Variants in STARD3NL observed in about 807,000 individuals in gnomAD.
STARD3NL encodes STARD3 N-terminal like.
In STARD3NL, 17 loss-of-function variants were observed where a neutral mutation model predicts 30.9. The observed-to-expected ratio is 0.55, with a 90% CI of 0.38 to 0.82. The LOEUF (loss-of-function observed/expected upper bound fraction) is 0.82, where lower values mean the gene tolerates loss of function less well. Ranked by LOEUF, STARD3NL falls within the 40% of genes least tolerant of loss-of-function variation. The pLI, the probability that STARD3NL is intolerant of heterozygous loss-of-function variation, is 0.00. For missense variants in STARD3NL, 234 were observed against 277.6 expected, an observed-to-expected ratio of 0.84 and a Z score of 1.12; for synonymous variants, 112 against 100.5, an observed-to-expected ratio of 1.11 and a Z score of -0.69.
chr7:38,201,770 C>A (rs1340907458), intron 1 of STARD3NL: 2 of 152,192 alleles, frequency 1.3e-5, no homozygotes, highest in African/African-American at 4.8e-5. Context: ...CTCACTGGAG[C>A]GTCTGCCTCC....
At position 38,194,506 on chromosome 7, in the gene STARD3NL, C is replaced by T. The variant is rs80202960; in HGVS notation, c.-58-12941C>T. ...CTTTCTAACCTTATTATTTAAATGC[C>T]GAATTATTTAATTTTATTCTTTATT... is the stretch of plus-strand genomic sequence containing the variant. On this transcript the variant is annotated intron_variant, in intron 1 of 8. Coordinates refer to ENST00000009041, the MANE Select transcript of STARD3NL (RefSeq NM_032016.4). Among the ~76,000 whole-genome samples, 10 of 151,764 alleles carry T rather than the reference C, an allele frequency of 6.6e-5. No homozygotes were observed. The East Asian group carries it at 9.7e-4, about 15-fold the overall frequency.
At position 38,207,669 on chromosome 7, in the gene STARD3NL, CTGTT is replaced by C; in HGVS notation, c.173_176del (p.Phe58SerfsTer8). The C allele has an allele frequency of 3.1e-6, 5 of 1,614,094 alleles. No individual in the cohort carries two copies. Among genetic ancestry groups the C allele is most frequent in the Non-Finnish European group, 4.2e-6 (5 of 1,179,956 alleles). On this transcript the variant is annotated frameshift_variant, in exon 2 of 9. Coordinates refer to ENST00000009041, the MANE Select transcript of STARD3NL (RefSeq NM_032016.4). LOFTEE classifies it high-confidence loss of function. Reference sequence around the variant, plus strand: ...GCATATCTGATGTCAGGAGGACTTTCTGTTTGTTTGTCACCTTTGACCTCTTATT... The same window carrying C: ...GCATATCTGATGTCAGGAGGACTTTCTGTTTGTCACCTTTGACCTCTTATT...
chr7:38,194,398 A>G (rs1232757214), intron 1 of STARD3NL, among the ~76,000 whole-genome samples: 1 of 152,148 alleles, frequency 6.6e-6, no homozygotes, highest in Non-Finnish European at 1.5e-5. Context: ...AACAGTTATC[A>G]TCATCCTCCT....
intron 7 of STARD3NL, among the ~76,000 whole-genome samples, chr7:38,223,490 A>AT (rs1786582591): frequency 1.3e-5 from 2 of 152,184 alleles, no homozygotes; most frequent in South Asian, 4.1e-4. Flanking sequence ...GAATTGCTCA[A>AT]TTGCATAATA....
In STARD3NL at chr7:38,228,358, A is replaced by G. The variant is rs560423286; in HGVS notation, c.650-441A>G. The stretch of plus-strand genomic sequence containing the variant: ...CATGAGACATTGATCCAGAAGGGCC[A>G]GACTGTGGTCACTGCCACAGTGCTC... On this transcript the variant is annotated intron_variant, in intron 7 of 8. Transcript: ENST00000009041. 3.3e-5 allele frequency among the ~76,000 whole-genome samples: 5 copies of G among 152,360 alleles called. No homozygotes were observed. The South Asian group carries it at 1.0e-3, about 32-fold the overall frequency.
intron 1 of STARD3NL, among the ~76,000 whole-genome samples, chr7:38,206,791 G>A (rs1012441194): frequency 6.6e-6 from 1 of 152,126 alleles, no homozygotes; most frequent in African/African-American, 2.4e-5. Flanking sequence ...TTTCGTTTGA[G>A]GCAGTGTCTT....
intron 1 of STARD3NL, among the ~76,000 whole-genome samples, chr7:38,198,036 C>T (rs1785004539): frequency 6.6e-6 from 1 of 152,214 alleles, no homozygotes; most frequent in African/African-American, 2.4e-5. Context: ...TGGTCACAGC[C>T]ATGGCAGTCT....
chr7:38,198,909 G>A (rs144068778), intron 1 of STARD3NL, among the ~76,000 whole-genome samples: 2 of 152,200 alleles, frequency 1.3e-5, no homozygotes, highest in Non-Finnish European at 2.9e-5. Flanking sequence ...TTCAGGCAAC[G>A]TACAGACCTG....
At chr7:38,219,388 C>T (rs1786317197) in intron 6 of STARD3NL, among the ~76,000 whole-genome samples, 177 bp from the exon 7 acceptor site, 1 of 152,268 alleles carries the variant, frequency 6.6e-6, no homozygotes, top group South Asian at 2.1e-4. Context: ...TCTGTCTTTA[C>T]AGTATTGTTT....
At chr7:38,217,128 C>T (rs1417445318) in intron 5 of STARD3NL, 50 bp downstream of exon 5, 4 of 1,613,456 alleles carry the variant, frequency 2.5e-6, no homozygotes, top group Middle Eastern at 1.7e-4. Flanking sequence ...GTGATGAAGC[C>T]TCGTTTTTCA....
rs531236379 is a variant in STARD3NL, at chr7:38,194,869, G to A, written c.-58-12578G>A. Reference sequence around the variant, plus strand: ...ATCTGTCTTAAAAATTTTAATTATAGTATTGAAATAATCTGTATTCGTATC... The same window carrying A: ...ATCTGTCTTAAAAATTTTAATTATAATATTGAAATAATCTGTATTCGTATC... On this transcript the variant is annotated intron_variant, in intron 1 of 8. Coordinates refer to ENST00000009041, the MANE Select transcript of STARD3NL (RefSeq NM_032016.4). Among the ~76,000 whole-genome samples, 128 of 152,132 alleles carry A rather than the reference G, an allele frequency of 8.4e-4. No individual in the cohort carries two copies. In the Middle Eastern group the frequency reaches 0.01, roughly 12 times the overall value.
chr7:38,227,780 T>C (rs754250363), intron 7 of STARD3NL, among the ~76,000 whole-genome samples: 4 of 152,164 alleles, frequency 2.6e-5, no homozygotes, highest in Non-Finnish European at 5.9e-5. Context: ...ACATCAGTAT[T>C]GACAGTTTAG....
chr7:38,179,440 C>A (rs773162255), intron 1 of STARD3NL, among the ~76,000 whole-genome samples: 2 of 152,186 alleles, frequency 1.3e-5, no homozygotes, highest in Non-Finnish European at 2.9e-5. Context: ...TTTAAAACTG[C>A]ATTATTGCAT....
chr7:38,228,131 AT>A (rs1490448481), intron 7 of STARD3NL, among the ~76,000 whole-genome samples: 6 of 152,344 alleles, frequency 3.9e-5, no homozygotes, highest in African/African-American at 1.4e-4. Context: ...TATAACCATA[AT>A]TTTAAGTGGA....
intron 1 of STARD3NL, among the ~76,000 whole-genome samples, chr7:38,194,509 A>G (rs556648140): frequency 1.3e-5 from 2 of 152,206 alleles, no homozygotes; most frequent in African/African-American, 2.4e-5. Flanking sequence ...TAAATGCCGA[A>G]TTATTTAATT....
At chr7:38,204,443 CAAAG>C (rs928592149) in intron 1 of STARD3NL, among the ~76,000 whole-genome samples, 1 of 152,178 alleles carries the variant, frequency 6.6e-6, no homozygotes, top group Non-Finnish European at 1.5e-5. Context: ...CCAACAAAAA[CAAAG>C]ACACAACATA....
At chr7:38,193,945 T>C (rs951435918) in intron 1 of STARD3NL, among the ~76,000 whole-genome samples, 5 of 152,202 alleles carry the variant, frequency 3.3e-5, no homozygotes, top group Admixed American at 6.5e-5. Context: ...TATTTAATAA[T>C]AGGATAGATT....
At chr7:38,188,546 C>T (rs564956104) in intron 1 of STARD3NL, among the ~76,000 whole-genome samples, 2 of 152,276 alleles carry the variant, frequency 1.3e-5, no homozygotes, top group East Asian at 3.9e-4. Flanking sequence ...TGGGAGTGCT[C>T]AGAAGGGGAC....
At chr7:38,209,554 G>A (rs1309567281) in intron 2 of STARD3NL, among the ~76,000 whole-genome samples, 2 of 152,172 alleles carry the variant, frequency 1.3e-5, no homozygotes, top group Admixed American at 6.5e-5. Context: ...AAAGTGCTGG[G>A]ATTATAGGTG....
Sources: allele counts gnomAD v4.1 joint callset (sites outside exome capture counted in the v4.1 genomes callset), GRCh38; gene constraint gnomAD v4.1.1; transcripts MANE v1.5; gene names NCBI Gene and HGNC (gene_info 2026-07-23, HGNC 2026-07-21).